Variants in CNTN1 observed in about 807,000 individuals in gnomAD.
CNTN1 encodes contactin-1.
Under a neutral mutation model 126.4 loss-of-function variants are expected in CNTN1, and 38 were observed. The observed-to-expected ratio is 0.30, with a 90% CI of 0.23 to 0.39. CNTN1 has a LOEUF of 0.39. CNTN1 is among the 10% of genes least tolerant of loss of function. CNTN1 has a pLI of 1.00. For synonymous variants in CNTN1, 413 were observed against 422.6 expected, an observed-to-expected ratio of 0.98 and a Z score of 0.28; for missense variants, 1,009 against 1,248.4, an observed-to-expected ratio of 0.81 and a Z score of 2.89.
At chr12:40,930,542 C>A (rs542646555) in intron 7 of CNTN1, among the ~76,000 whole-genome samples, 6 of 152,096 alleles carry the variant, frequency 3.9e-5, no homozygotes, top group African/African-American at 1.4e-4. Context: ...CACTGACAAT[C>A]TGATTGGCCT....
At chr12:40,960,842 A>G (rs963285138) in intron 15 of CNTN1, among the ~76,000 whole-genome samples, 2 of 152,100 alleles carry the variant, frequency 1.3e-5, no homozygotes, top group African/African-American at 4.8e-5. Flanking sequence ...AGAAGTAGCC[A>G]AAGTGTATAT....
At chr12:40,795,578 TACAC>T (rs549330420) in intron 1 of CNTN1, among the ~76,000 whole-genome samples, 5 of 145,060 alleles carry the variant, frequency 3.4e-5, no homozygotes, top group South Asian at 4.4e-4. Flanking sequence ...TTCTGAAAAA[TACAC>T]ACACACACAC....
At chr12:40,972,553 G>T in intron 15 of CNTN1, 10 of 771,128 alleles carry the variant, frequency 1.3e-5, no homozygotes, top group Non-Finnish European at 1.6e-5. Context: ...TATTATATGT[G>T]TGTGTATATA....
At position 41,020,466 on chromosome 12, in the gene CNTN1, A is replaced by G. The variant is rs369701229; in HGVS notation, c.2523+26A>G. On this transcript the variant is annotated intron_variant, in intron 20 of 23. Transcript: ENST00000551295. ...GTACGTTAAATTTTTATCAAACTAA[A>G]TACATTTATTCATAAATATATAAGC... The G allele has an allele frequency of 2.6e-5, 36 of 1,385,298 alleles. No homozygotes were observed. In the African/African-American group the frequency reaches 4.7e-4, roughly 18 times the overall value. The allele number at this position is 1,385,298 out of a possible 1,614,324, so 85.8% of individuals were successfully genotyped here.
chr12:41,061,850 TAA>T, intron 23 of CNTN1: 1 of 455,504 alleles, frequency 2.2e-6, no homozygotes, highest in Non-Finnish European at 4.4e-6. Context: ...TCTCTGTTGC[TAA>T]AGTTATATAA....
At chr12:40,717,612 T>C (rs1327634381) in intron 1 of CNTN1, among the ~76,000 whole-genome samples, 1 of 152,222 alleles carries the variant, frequency 6.6e-6, no homozygotes, top group Non-Finnish European at 1.5e-5. Flanking sequence ...TGAACTTCAT[T>C]TATTTTATTT....
chr12:40,972,594 T>G (rs987851922), intron 15 of CNTN1: 1 of 796,198 alleles, frequency 1.3e-6, no homozygotes, highest in Non-Finnish European at 1.5e-6. Context: ...AATTTATTAG[T>G]CATCATAAAG....
In CNTN1 at chr12:40,886,450, G is replaced by A. The variant is rs184092177; in HGVS notation, c.-76-21907G>A. 3.8e-4 allele frequency among the ~76,000 whole-genome samples: 58 copies of A among 152,218 alleles called. 1 individual carries two copies. The South Asian group carries it at 6.2e-3, about 16-fold the overall frequency. On this transcript the variant is annotated intron_variant, in intron 1 of 23. Coordinates refer to ENST00000551295, the MANE Select transcript of CNTN1 (RefSeq NM_001843.4). ...CTGTAAAAGTTAAGAGTCTTTTATC[G>A]TAGATTCTGGATATTAGCCCTTTGT...
chr12:41,019,219 C>T (rs943087302), intron 19 of CNTN1, among the ~76,000 whole-genome samples: 2 of 152,124 alleles, frequency 1.3e-5, no homozygotes, highest in African/African-American at 4.8e-5. Context: ...ATTTGAAGAA[C>T]GAGTACATCT....
At chr12:40,971,951 A>G in intron 15 of CNTN1, 1 of 1,015,700 alleles carries the variant, frequency 9.8e-7, no homozygotes, top group Non-Finnish European at 1.2e-6. Context: ...AGACATCATA[A>G]TTAGGACATA....
chr12:40,963,777 G>A (rs1482528193), intron 15 of CNTN1, among the ~76,000 whole-genome samples: 5 of 151,858 alleles, frequency 3.3e-5, no homozygotes, highest in African/African-American at 7.3e-5. Flanking sequence ...AGTATATTTC[G>A]GGTTGCCTCG....
chr12:40,753,932 A>T (rs1938499055), intron 1 of CNTN1, among the ~76,000 whole-genome samples: 1 of 152,030 alleles, frequency 6.6e-6, no homozygotes, highest in African/African-American at 2.4e-5. Context: ...AATTTAATTC[A>T]TCTCCTATTG....
chr12:40,793,448 C>T (rs1344277537), intron 1 of CNTN1, among the ~76,000 whole-genome samples: 3 of 128,852 alleles, frequency 2.3e-5, no homozygotes, highest in Admixed American at 8.5e-5. Context: ...TTGTCCCCGT[C>T]AGCACCTACT....
At position 40,963,636 on chromosome 12, in the gene CNTN1, G is replaced by A. The variant is rs141987766; in HGVS notation, c.1804+4402G>A. 2.0e-5 allele frequency among the ~76,000 whole-genome samples: 3 copies of A among 151,820 alleles called. No homozygotes were observed. The East Asian group carries it at 5.8e-4, about 29-fold the overall frequency. On this transcript the variant is annotated intron_variant, in intron 15 of 23. Transcript: ENST00000551295. ...AAATATGTTGCCTTATATTGCCTTA[G>A]CTTTAAAATAAGAACCAGGTATTAC... is the stretch of plus-strand genomic sequence containing the variant.
Position 40,948,253 on chromosome 12 carries a change from T to G in CNTN1, c.1683+4083T>G, listed in dbSNP as rs191849823. Among the ~76,000 whole-genome samples, 208 of 132,494 alleles carry G rather than the reference T, an allele frequency of 1.6e-3. 2 individuals carry two copies. Among genetic ancestry groups the G allele is most frequent in the Admixed American group, 0.015 (181 of 12,346 alleles). 86.9% of individuals were successfully genotyped at this position (132,494 alleles called of 152,430 possible). A position where few individuals can be genotyped will look rare whatever the true frequency, so the allele number is the denominator to read the frequency against. On this transcript the variant is annotated intron_variant, in intron 14 of 23. Transcript: ENST00000551295. ...AAGCTTTTGCTAGCTAGTTTTTCTT[T>G]CTTTCTTTTTTTTTTTTTTTTTTTT...
intron 18 of CNTN1, among the ~76,000 whole-genome samples, chr12:41,015,628 A>G (rs141048977): frequency 1.2e-3 from 188 of 152,176 alleles, no homozygotes; most frequent in African/African-American, 4.2e-3. Flanking sequence ...CCACATTTCT[A>G]TATCTTCCTA....
intron 14 of CNTN1, among the ~76,000 whole-genome samples, chr12:40,957,559 T>C (rs1946935023): frequency 6.7e-6 from 1 of 150,282 alleles, no homozygotes; most frequent in Admixed American, 6.7e-5. Flanking sequence ...GAGAAAGTGC[T>C]GAATTTCTAG....
intron 1 of CNTN1, among the ~76,000 whole-genome samples, chr12:40,726,363 A>T (rs1592017091): frequency 1.3e-5 from 2 of 152,228 alleles, no homozygotes; most frequent in Non-Finnish European, 2.9e-5. Flanking sequence ...TAAAGGAAAG[A>T]GGTTTCATTG....
chr12:40,719,589 G>GT (rs1305211652), intron 1 of CNTN1, among the ~76,000 whole-genome samples: 1 of 152,156 alleles, frequency 6.6e-6, no homozygotes, highest in East Asian at 1.9e-4. Flanking sequence ...TATTCCATGT[G>GT]TAATTGTGAA....
Sources: gnomAD v4.1 joint callset for allele counts (sites outside exome capture counted in the v4.1 genomes callset) on GRCh38, gnomAD v4.1.1 for gene constraint, MANE v1.5 for transcripts, NCBI Gene and HGNC (gene_info 2026-07-23, HGNC 2026-07-21) for gene names.